The following FAAP20 variants were observed in gnomAD, a reference collection of about 807,000 sequenced individuals.
FAAP20 encodes FA core complex associated protein 20.
Under a neutral mutation model 16.2 loss-of-function variants are expected in FAAP20, and 12 were observed. The ratio of observed to expected loss-of-function variants is 0.74; its 90% CI spans 0.48 to 1.20. The LOEUF is 1.20. FAAP20 is among the 50% of genes most tolerant of loss of function. The probability of loss-of-function intolerance (pLI) is 0.00; values close to 1 mark genes in which losing one functional copy is unlikely to be tolerated. For synonymous variants in FAAP20, 141 were observed against 110.7 expected (o/e 1.27, Z -1.72); for missense variants, 288 against 245.8 (o/e 1.17, Z -1.15).
chr1:2,185,196 G>A (rs1366851479), downstream of FAAP20: 14 of 707,560 alleles, frequency 2.0e-5, no homozygotes, highest in East Asian at 8.1e-5. Context: ...ACCTGGGCCC[G>A]GGCAGGCCAG....
chr1:2,194,373 G>A (rs1572118707), intron 1 of FAAP20, among the ~76,000 whole-genome samples: 1 of 141,892 alleles, frequency 7.0e-6, no homozygotes, highest in Non-Finnish European at 1.5e-5. Context: ...GGTCCTCAGC[G>A]GGATGAGGCG....
At chr1:2,188,165 C>A (rs915539073), downstream of FAAP20, among the ~76,000 whole-genome samples, 1 of 152,214 alleles carries the variant, frequency 6.6e-6, no homozygotes, top group Non-Finnish European at 1.5e-5. Context: ...CAGAGCTGAG[C>A]CCGCAAAGCC....
chr1:2,194,412 G>A (rs1258983696), intron 1 of FAAP20, among the ~76,000 whole-genome samples: 1 of 146,512 alleles, frequency 6.8e-6, no homozygotes, highest in Admixed American at 6.8e-5. Context: ...GAGGGCCTGG[G>A]GAAGGTAGAG....
At chr1:2,199,361 G>A, upstream of FAAP20, 1 of 1,024,202 alleles carries the variant, frequency 9.8e-7, no homozygotes, top group Non-Finnish European at 1.2e-6. The surrounding 1 kb of genome is among the most constrained non-coding windows in gnomAD (Gnocchi z 4.5). Flanking sequence ...CCCAGATCCT[G>A]CTCTGACGTC....
upstream of FAAP20, chr1:2,199,629 T>TGG: frequency 5.1e-6 from 5 of 985,740 alleles, no homozygotes; most frequent in Non-Finnish European, 6.0e-6. This position sits in a 1 kb window ranked among gnomAD's most constrained non-coding sequence, Gnocchi z 4.5. Context: ...AGGAGCACTG[T>TGG]GGGTTGAGCA....
rs1211664175 is a variant in FAAP20, at chr1:2,189,687, G to C, written c.*22C>G. ...AGAGCGTGTCCGGGCGCCGCACTCT[G>C]CGCAGGGCTCTTGGATGGCGCTCAC... On this transcript the variant is annotated 3_prime_UTR_variant, in exon 4 of 4. Coordinates refer to ENST00000378546, the MANE Select transcript of FAAP20 (RefSeq NM_182533.4). The C allele has an allele frequency of 1.2e-6, 2 of 1,610,108 alleles. No individual in the cohort carries two copies. The highest frequency in any genetic ancestry group is 2.2e-5 in the East Asian group (1 of 44,864).
At chr1:2,207,863 T>C (rs984451867), downstream of FAAP20, 1 of 152,222 alleles carries the variant, frequency 6.6e-6, no homozygotes, top group South Asian at 2.1e-4. Context: ...TTTCCGGCCT[T>C]GGGTCGAGGC....
intron 3 of FAAP20, chr1:2,193,009 G>GAA (rs1688418697): frequency 7.7e-7 from 1 of 1,303,460 alleles, no homozygotes; most frequent in Admixed American, 2.3e-5. Flanking sequence ...ATGACTGAAG[G>GAA]ACCTGGTCTC....
At chr1:2,190,762 C>T (rs1688127494) in intron 3 of FAAP20, 1 of 287,476 alleles carries the variant, frequency 3.5e-6, no homozygotes. Flanking sequence ...GGGGGACACA[C>T]CCCCACTGAG....
At chr1:2,184,633 C>T (rs775616525), downstream of FAAP20, 4 of 1,614,012 alleles carry the variant, frequency 2.5e-6, no homozygotes, top group African/African-American at 5.3e-5. Context: ...TCACAGACGA[C>T]TACGGTCTGG....
At chr1:2,194,663 G>A (rs1572120658) in intron 1 of FAAP20, 25 bp downstream of exon 1, 4 of 1,105,984 alleles carry the variant, frequency 3.6e-6, no homozygotes, top group Middle Eastern at 3.8e-4. Flanking sequence ...AACCGGCCGC[G>A]CCCCCGCCCG....
At chr1:2,202,866 C>T (rs1689102525), upstream of FAAP20, among the ~76,000 whole-genome samples, 1 of 152,212 alleles carries the variant, frequency 6.6e-6, no homozygotes, top group African/African-American at 2.4e-5. Flanking sequence ...ATCCTCCTGC[C>T]TTGGCCTCCC....
At chr1:2,184,767 GCAGCTGGTGACC>G, downstream of FAAP20, 1 of 1,493,996 alleles carries the variant, frequency 6.7e-7, no homozygotes, top group Non-Finnish European at 9.1e-7. Context: ...GGCACCTTGG[GCAGCTGGTGACC>G]CAGCCTGCCC....
intron 1 of FAAP20, 77 bp downstream of exon 1, chr1:2,194,611 G>T (rs914672229): frequency 1.5e-5 from 12 of 812,562 alleles, no homozygotes; most frequent in South Asian, 5.7e-5. Context: ...AGAATAGAGC[G>T]GGAGGCCCGC....
Position 2,193,807 on chromosome 1 carries a change from T to C in FAAP20, c.302A>G (p.Tyr101Cys), listed in dbSNP as rs776204031. ...CCCTCCTGCCCCGTGAAGCAGCCGG[T>C]AGGAACGGCCCGGGCCCCACAGGTC... ...PPDLWGPGRS[Y>C]RLLHGAGGHL... Residue 101 changes from tyrosine to cysteine, a missense_variant, in exon 3 of 4, where the codon TAC (tyrosine) becomes TGC (cysteine). Tyr to Cys is a radical substitution (Grantham distance 194). Transcript: ENST00000378546. The C allele has an allele frequency of 7.5e-6, 12 of 1,605,032 alleles. No individual in the cohort carries two copies. The Admixed American group carries it at 1.1e-4, about 14-fold the overall frequency.
chr1:2,194,508 G>A (rs1413099842), intron 1 of FAAP20, among the ~76,000 whole-genome samples, 180 bp downstream of exon 1: 1 of 144,678 alleles, frequency 6.9e-6, no homozygotes, highest in Non-Finnish European at 1.5e-5. Context: ...CTCGGCGTGG[G>A]GTGGGGGCTC....
intron 1 of FAAP20, chr1:2,206,725 C>T (rs58125580): frequency 6.7e-6 from 1 of 150,328 alleles, no homozygotes; most frequent in Non-Finnish European, 1.5e-5. Flanking sequence ...CCTAGCTACT[C>T]GGGAGGTTGA....
At position 2,189,761 on chromosome 1, in the gene FAAP20, T is replaced by C; in HGVS notation, c.491A>G (p.Asp164Gly). 5 of 1,612,626 alleles carry C rather than the reference T, an allele frequency of 3.1e-6. No homozygotes were observed. Among genetic ancestry groups the C allele is most frequent in the South Asian group, 1.1e-5 (1 of 91,078 alleles). ...FAPRLTQLDV[D>G]SHLAQCLAES... ...GGCCAAGCACTGGGCCAGGTGGCTGTCAACATCCAGCTGGGTCAGCCTGCA... is the reference window on the plus strand; with the variant it reads ...GGCCAAGCACTGGGCCAGGTGGCTGCCAACATCCAGCTGGGTCAGCCTGCA... Residue 164 changes from aspartate to glycine, a missense_variant, in exon 4 of 4, where the codon GAC becomes GGC. Coordinates refer to ENST00000378546, the MANE Select transcript of FAAP20 (RefSeq NM_182533.4).
downstream of FAAP20, among the ~76,000 whole-genome samples, chr1:2,208,262 A>C (rs1689339841): frequency 6.6e-6 from 1 of 152,052 alleles, no homozygotes; most frequent in African/African-American, 2.4e-5. Flanking sequence ...GTCCCAGGCC[A>C]GGGGTGTCCT....
Sources: allele counts gnomAD v4.1 joint callset (sites outside exome capture counted in the v4.1 genomes callset), GRCh38; gene constraint gnomAD v4.1.1; non-coding constraint Gnocchi (gnomAD v3.1); transcripts MANE v1.5; gene names NCBI Gene and HGNC (gene_info 2026-07-23, HGNC 2026-07-21).